The following MYH3 variants were observed in gnomAD, a reference collection of about 807,000 sequenced individuals.
MYH3 encodes myosin-3.
MYH3 carries 130 observed loss-of-function variants against 238.0 expected under a neutral mutation model. The observed-to-expected ratio is 0.55, with a 90% CI of 0.47 to 0.63. MYH3 has a LOEUF of 0.63. MYH3 is among the 30% of genes least tolerant of loss of function. The pLI is 0.00. For synonymous variants in MYH3, 880 were observed against 924.1 expected (o/e 0.95, Z 0.86); for missense variants, 1,853 against 2,374.9 (o/e 0.78, Z 4.57).
intron 10 of MYH3, among the ~76,000 whole-genome samples, chr17:10,646,842 G>A (rs749238922): frequency 3.3e-5 from 5 of 152,176 alleles, no homozygotes; most frequent in Non-Finnish European, 5.9e-5. Context: ...GAGCCCAGGA[G>A]TTCAAGACCA....
In MYH3 at chr17:10,635,352, A is replaced by G. The variant is rs764952768; in HGVS notation, c.4172+15T>C. The G allele has an allele frequency of 1.9e-6, 3 of 1,614,054 alleles. No individual in the cohort carries two copies. The South Asian group carries it at 3.3e-5, about 18-fold the overall frequency. ...TTCCTAAGTAGTTCTTCTAAAAGCA[A>G]ACAGAGCTGCGCACTTGGCCTCCTC... On this transcript the variant is annotated intron_variant, in intron 30 of 40. Coordinates refer to ENST00000583535, the MANE Select transcript of MYH3 (RefSeq NM_002470.4).
intron 14 of MYH3, among the ~76,000 whole-genome samples, chr17:10,643,555 T>C (rs1223867597): frequency 9.2e-5 from 14 of 152,064 alleles, no homozygotes. Flanking sequence ...TTTGTATTTT[T>C]AGTAGAGACG....
In MYH3 at chr17:10,652,609, CTTTTTTTTTTTTTTT is replaced by C. The variant is rs149916956; in HGVS notation, c.205-61_205-47del. 2.3e-3 allele frequency: 982 copies of C among 427,586 alleles called. 3 individuals carry two copies. Among genetic ancestry groups the C allele is most frequent in the Non-Finnish European group, 3.1e-3 (828 of 267,720 alleles). 26.5% of individuals were successfully genotyped at this position (427,586 alleles called of 1,614,324 possible). On this transcript the variant is annotated intron_variant, in intron 3 of 40. Coordinates refer to ENST00000583535, the MANE Select transcript of MYH3 (RefSeq NM_002470.4). ...TGCTTCACTAAGATGGTCTGCACGT[CTTTTTTTTTTTTTTT>C]TTTTTTTTTTTTTTTGAGACGGAGT...
intron 7 of MYH3, 69 bp downstream of exon 7, chr17:10,649,508 C>A (rs972527337): frequency 2.4e-5 from 30 of 1,229,588 alleles, no homozygotes; most frequent in Non-Finnish European, 3.1e-5. Context: ...GACATTTGGC[C>A]CCCTCATTCT....
At position 10,631,833 on chromosome 17, in the gene MYH3, C is replaced by A. The variant is rs563729183; in HGVS notation, c.5140G>T (p.Val1714Leu). Reference sequence around the variant, plus strand: ...CTCACCTGGGTATGCAGCAGCTGCACCCTCTCGTTGGAGTCCAGGAGCTCC... The same window carrying A: ...CTCACCTGGGTATGCAGCAGCTGCAACCTCTCGTTGGAGTCCAGGAGCTCC... ...EQELLDSNERVQLLHTQNTSL... is the reference protein window; with the variant it reads ...EQELLDSNERLQLLHTQNTSL... Residue 1714 changes from valine (V) to leucine (L), a missense_variant, in exon 35 of 41, where the codon GTG becomes TTG. Val to Leu is a conservative substitution (Grantham distance 32). Transcript: ENST00000583535. The A allele has an allele frequency of 6.2e-7, 1 of 1,614,148 alleles. No individual in the cohort carries two copies. The highest frequency in any genetic ancestry group is 1.1e-5 in the South Asian group (1 of 91,082).
chr17:10,639,697 C>T lies in MYH3; in HGVS notation c.2788G>A (p.Glu930Lys). Residue 930 changes from glutamate to lysine, a missense_variant, in exon 23 of 41, where the codon GAG becomes AAG. Coordinates refer to ENST00000583535, the MANE Select transcript of MYH3 (RefSeq NM_002470.4). ...IKEVTERAEDEEEINAELTAK... is the reference protein window; with the variant it reads ...IKEVTERAEDKEEINAELTAK... ...GTCAGCTCAGCATTGATCTCCTCCT[C>T]ATCTTCAGCTCTCTCTGTCACCTCC... 6.2e-7 allele frequency: 1 copy of T among 1,614,098 alleles called. No individual in the cohort carries two copies. The highest frequency in any genetic ancestry group is 8.5e-7 in the Non-Finnish European group (1 of 1,180,034).
chr17:10,630,897 A>G (rs2074150021), intron 36 of MYH3, among the ~76,000 whole-genome samples: 1 of 151,992 alleles, frequency 6.6e-6, no homozygotes, highest in Non-Finnish European at 1.5e-5. Flanking sequence ...AACGGGTGAG[A>G]CTGTGATGAA....
upstream of MYH3, among the ~76,000 whole-genome samples, chr17:10,657,859 C>A (rs2074449359): frequency 6.6e-6 from 1 of 152,134 alleles, no homozygotes; most frequent in African/African-American, 2.4e-5. Flanking sequence ...CCCCTCCCCC[C>A]TTGCCCTCTT....
intron 4 of MYH3, 168 bp from the exon 5 acceptor site, chr17:10,651,836 C>A (rs976894243): frequency 1.1e-6 from 1 of 927,756 alleles, no homozygotes; most frequent in Non-Finnish European, 1.5e-6. Flanking sequence ...CTCCACCTCC[C>A]GGGTTCAAGC....
At chr17:10,643,071 A>G (rs777051627) in intron 14 of MYH3, 75 bp from the exon 15 acceptor site, 10 of 1,612,388 alleles carry the variant, frequency 6.2e-6, no homozygotes, top group African/African-American at 1.3e-5. Flanking sequence ...ATTCCTCCTC[A>G]TTGCCCCAGG....
rs1215987642 is a variant in MYH3 at position 10,644,391 on chromosome 17, A to G, written c.1370T>C (p.Phe457Ser). Residue 457 changes from phenylalanine (F) to serine (S), a missense_variant, in exon 14 of 41, where the codon TTC (phenylalanine) becomes TCC (serine). Coordinates refer to ENST00000583535, the MANE Select transcript of MYH3 (RefSeq NM_002470.4). Reference protein sequence around the residue: ...QLDTKLPRQHFIGVLDIAGFE... With the variant: ...QLDTKLPRQHSIGVLDIAGFE... ...GCCTGCAATGTCCAAAACACCAATG[A>G]AGTGTTGTCTTGGAAGCTTCGTATC... is the stretch of plus-strand genomic sequence containing the variant. The G allele has an allele frequency of 6.2e-7, 1 of 1,614,132 alleles. No homozygotes were observed.
At chr17:10,632,870 G>A in intron 33 of MYH3, 86 bp from the exon 34 acceptor site, 1 of 1,335,304 alleles carries the variant, frequency 7.5e-7, no homozygotes, top group East Asian at 2.3e-5. Flanking sequence ...AACTTCAATG[G>A]AATAGTCCTA....
chr17:10,665,281 T>TA, the MYH3 span, among the ~76,000 whole-genome samples: 1 of 152,136 alleles, frequency 6.6e-6, no homozygotes, highest in Non-Finnish European at 1.5e-5. Context: ...TAGCTGGAAT[T>TA]ACAGGCACCC....
upstream of MYH3, among the ~76,000 whole-genome samples, chr17:10,659,357 C>A (rs2074464768): frequency 6.6e-6 from 1 of 152,218 alleles, no homozygotes; most frequent in Admixed American, 6.5e-5. Flanking sequence ...CCTTCCTTCT[C>A]TTCATCAGAA....
At chr17:10,662,249 T>G (rs2074485699), upstream of MYH3, among the ~76,000 whole-genome samples, 1 of 152,192 alleles carries the variant, frequency 6.6e-6, no homozygotes, top group Non-Finnish European at 1.5e-5. Context: ...CTCAAATTCC[T>G]GTCCTCAAAT....
intron 3 of MYH3, 83 bp from the exon 4 acceptor site, chr17:10,652,646 G>T: frequency 7.0e-7 from 1 of 1,420,480 alleles, no homozygotes; most frequent in Non-Finnish European, 9.4e-7. Flanking sequence ...TTTTGAGACG[G>T]AGTCTTGCTT....
rs927038242 is a variant in MYH3 at position 10,654,908 on chromosome 17, T to G, written c.157A>C (p.Lys53Gln). Residue 53 changes from lysine (K) to glutamine (Q), a missense_variant, in exon 3 of 41, where the codon AAG becomes CAG. Physicochemically the swap from Lys to Gln is moderately conservative, Grantham distance 53. This residue lies in a region of MYH3 where 131 missense variants were observed against 123.5 expected (regional missense o/e 1.06). Coordinates refer to ENST00000583535, the MANE Select transcript of MYH3 (RefSeq NM_002470.4). The surrounding 1 kb of genome is among the most constrained non-coding windows in gnomAD (Gnocchi z 4.5). ...GTGACCTTCCCATCCTGAGAACTCT[T>G]GATTTTCCCCTTGGCATATTCTTCC... is the stretch of plus-strand genomic sequence containing the variant. ...SKEEYAKGKI[K>Q]SSQDGKVTVE... is the part of the protein sequence containing the mutation. 1.4e-5 allele frequency: 23 copies of G among 1,614,064 alleles called. No individual in the cohort carries two copies. The highest frequency in any genetic ancestry group is 1.9e-5 in the Non-Finnish European group (22 of 1,180,038).
At position 10,654,346 on chromosome 17, in the gene MYH3, A is replaced by C. The variant is rs774897518; in HGVS notation, c.204+515T>G. Among the ~76,000 whole-genome samples the C allele has an allele frequency of 3.3e-5, 5 of 152,136 alleles. No individual in the cohort carries two copies. The highest frequency in any genetic ancestry group is 4.8e-5 in the African/African-American group (2 of 41,446). ...CCAGAATTCCTCGCAGCACCCCCAC[A>C]GTGGCTTGGGCCAGAATGTAATGGG... On this transcript the variant is annotated intron_variant, in intron 3 of 40. Coordinates refer to ENST00000583535, the MANE Select transcript of MYH3 (RefSeq NM_002470.4). This position sits in a 1 kb window ranked among gnomAD's most constrained non-coding sequence, Gnocchi z 4.5.
Position 10,631,634 on chromosome 17 carries a change from TCTC to T in MYH3, c.5260_5262del (p.Glu1754del), listed in dbSNP as rs760431413. Reference sequence around the variant, plus strand: ...ACGTCCGTGATGGCCTTCTTGGCCTTCTCCTCAGCGTTCCTTGCATCCCTGCTG... The same window carrying T: ...ACGTCCGTGATGGCCTTCTTGGCCTTCTCAGCGTTCCTTGCATCCCTGCTG... On this transcript the variant is annotated inframe_deletion, in exon 36 of 41. Transcript: ENST00000583535. 6.2e-7 allele frequency: 1 copy of T among 1,613,900 alleles called. No homozygotes were observed. The highest frequency in any genetic ancestry group is 8.5e-7 in the Non-Finnish European group (1 of 1,179,764).
Sources: allele counts gnomAD v4.1 joint callset (sites outside exome capture counted in the v4.1 genomes callset), GRCh38; gene constraint gnomAD v4.1.1; regional missense constraint gnomAD v4.1.1; non-coding constraint Gnocchi (gnomAD v3.1); transcripts MANE v1.5; gene names NCBI Gene and HGNC (gene_info 2026-07-23, HGNC 2026-07-21).